CREB3L2: variants seen among roughly 807,000 people sequenced by gnomAD.
CREB3L2 encodes cyclic AMP-responsive element-binding protein 3-like protein 2.
In CREB3L2, 23 loss-of-function variants were observed where a neutral mutation model predicts 57.2. That is an observed-to-expected ratio of 0.40 (90% CI 0.29 to 0.57). The LOEUF (loss-of-function observed/expected upper bound fraction) is 0.57. CREB3L2 is among the 20% of genes least tolerant of loss of function. The pLI is 0.42. For synonymous variants in CREB3L2, 268 were observed against 265.1 expected (o/e 1.01, Z -0.11); for missense variants, 628 against 634.7 (o/e 0.99, Z 0.11).
At chr7:137,890,361 A>G (rs987711777) in intron 8 of CREB3L2, among the ~76,000 whole-genome samples, 7 of 152,216 alleles carry the variant, frequency 4.6e-5, no homozygotes, top group Admixed American at 1.3e-4. Context: ...ATTTAGAAAA[A>G]TGGAAAATAT....
intron 1 of CREB3L2, among the ~76,000 whole-genome samples, chr7:137,932,908 G>C (rs977466551): frequency 6.6e-6 from 1 of 152,122 alleles, no homozygotes; most frequent in African/African-American, 2.4e-5. Context: ...AATTACCTGG[G>C]GCTCCTAAGC....
intron 7 of CREB3L2, among the ~76,000 whole-genome samples, chr7:137,902,394 G>A (rs370685158): frequency 2.6e-5 from 4 of 152,192 alleles, no homozygotes; most frequent in South Asian, 4.1e-4. Flanking sequence ...ACTCTTACCA[G>A]GACTGATAAG....
chr7:137,926,568 G>A (rs1414193955), intron 2 of CREB3L2, among the ~76,000 whole-genome samples: 1 of 152,150 alleles, frequency 6.6e-6, no homozygotes, highest in Admixed American at 6.5e-5. Context: ...TCACACACCA[G>A]GGCCTGTCGG....
Position 137,930,618 on chromosome 7 carries a change from C to T in CREB3L2, c.103-2252G>A, listed in dbSNP as rs145584440. Among the ~76,000 whole-genome samples the T allele has an allele frequency of 3.6e-3, 543 of 152,286 alleles. 5 individuals carry two copies. The highest frequency in any genetic ancestry group is 0.018 in the East Asian group (93 of 5,170). ...AGGCTCAGTCCCTAAAGAGTTAGAACGGTGAAATTCACTGACATCACAAAC... is the reference window on the plus strand; with the variant it reads ...AGGCTCAGTCCCTAAAGAGTTAGAATGGTGAAATTCACTGACATCACAAAC... On this transcript the variant is annotated intron_variant, in intron 1 of 11. Transcript: ENST00000330387.
At chr7:137,954,867 A>G (rs1349836380) in intron 1 of CREB3L2, among the ~76,000 whole-genome samples, 9 of 152,212 alleles carry the variant, frequency 5.9e-5, no homozygotes, top group Non-Finnish European at 5.9e-5. Flanking sequence ...TGCCCAACCT[A>G]CAAAGGAATA....
chr7:137,982,667 C>T (rs1801730831), intron 1 of CREB3L2, among the ~76,000 whole-genome samples: 5 of 152,168 alleles, frequency 3.3e-5, no homozygotes, highest in Admixed American at 1.3e-4. Flanking sequence ...TCCCCAGCCA[C>T]GTGGAACTGT....
At chr7:137,996,493 C>G (rs949412992) in intron 1 of CREB3L2, among the ~76,000 whole-genome samples, 2 of 152,248 alleles carry the variant, frequency 1.3e-5, no homozygotes, top group East Asian at 3.8e-4. Flanking sequence ...AATGAGGACC[C>G]GGGTGCCCCT....
intron 1 of CREB3L2, among the ~76,000 whole-genome samples, chr7:137,953,060 G>T (rs1049399202): frequency 6.6e-6 from 1 of 152,202 alleles, no homozygotes; most frequent in African/African-American, 2.4e-5. Context: ...CAAGTGATCT[G>T]CCTGCCTCGG....
Position 137,885,402 on chromosome 7 carries a change from C to T in CREB3L2, c.1143+1G>A. 1 of 1,613,358 alleles carries T rather than the reference C, an allele frequency of 6.2e-7. No homozygotes were observed. Among genetic ancestry groups the T allele is most frequent in the Non-Finnish European group, 8.5e-7 (1 of 1,179,410 alleles). The stretch of plus-strand genomic sequence containing the variant: ...CTGTGCTACCCTGCTGGGAAGCTCA[C>T]CATGAGGCAGGTGCCAGTCTGCGTG... On this transcript the variant is annotated splice_donor_variant, in intron 9 of 11. Transcript: ENST00000330387. LOFTEE classifies it high-confidence loss of function.
chr7:137,899,971 T>C (rs556397637), intron 8 of CREB3L2, among the ~76,000 whole-genome samples: 51 of 152,332 alleles, frequency 3.3e-4, no homozygotes, highest in Non-Finnish European at 6.5e-4. Context: ...CTTAATCTGA[T>C]TAAATTTTTG....
chr7:137,940,271 G>A (rs567168157), intron 1 of CREB3L2, among the ~76,000 whole-genome samples: 1 of 152,132 alleles, frequency 6.6e-6, no homozygotes, highest in South Asian at 2.1e-4. Flanking sequence ...ACCTCACCAG[G>A]GGACACCCAG....
At chr7:137,918,032 C>A (rs905743822) in intron 2 of CREB3L2, among the ~76,000 whole-genome samples, 12 of 152,166 alleles carry the variant, frequency 7.9e-5, no homozygotes, top group South Asian at 4.1e-4. Context: ...AACTGGACCA[C>A]GAGCCAAAAG....
At chr7:137,979,853 T>C (rs1214605722) in intron 1 of CREB3L2, among the ~76,000 whole-genome samples, 4 of 152,144 alleles carry the variant, frequency 2.6e-5, no homozygotes, top group African/African-American at 9.7e-5. Flanking sequence ...CAGTCAGAAA[T>C]GGAGACAGCA....
intron 1 of CREB3L2, among the ~76,000 whole-genome samples, chr7:137,974,993 G>A (rs146943586): frequency 6.6e-6 from 1 of 152,264 alleles, no homozygotes; most frequent in African/African-American, 2.4e-5. Flanking sequence ...TTGCCCAAGA[G>A]ACAGTTACAG....
chr7:137,945,829 T>C (rs960864380), intron 1 of CREB3L2, among the ~76,000 whole-genome samples: 5 of 152,176 alleles, frequency 3.3e-5, no homozygotes, highest in African/African-American at 1.2e-4. Context: ...CTGAAATGAC[T>C]CCTAACAAAT....
At chr7:137,976,228 C>T (rs994907225) in intron 1 of CREB3L2, among the ~76,000 whole-genome samples, 21 of 152,312 alleles carry the variant, frequency 1.4e-4, no homozygotes, top group African/African-American at 4.6e-4. Context: ...AAATATATGG[C>T]CACCCAGCCA....
intron 1 of CREB3L2, among the ~76,000 whole-genome samples, chr7:137,976,829 C>T (rs1801615125): frequency 6.6e-6 from 1 of 150,766 alleles, no homozygotes; most frequent in Non-Finnish European, 1.5e-5. Context: ...AATGCTTCTG[C>T]CTCCCATGAG....
In CREB3L2 at chr7:137,880,680, C is replaced by T; in HGVS notation, c.1488-129G>A. 2 of 714,802 alleles carry T rather than the reference C, an allele frequency of 2.8e-6. No homozygotes were observed. Among genetic ancestry groups the T allele is most frequent in the Admixed American group, 2.1e-5 (1 of 47,828 alleles). 44.3% of individuals were successfully genotyped at this position (714,802 alleles called of 1,614,324 possible). On this transcript the variant is annotated intron_variant, in intron 11 of 11. Transcript: ENST00000330387. The surrounding 1 kb of genome is among the most constrained non-coding windows in gnomAD (Gnocchi z 4.0). ...GAGACGGCCTGGGCATGTTTCTTGTCCTTTTCTCTCCTAGTAGCAATTCTC... is the reference window on the plus strand; with the variant it reads ...GAGACGGCCTGGGCATGTTTCTTGTTCTTTTCTCTCCTAGTAGCAATTCTC...
intron 2 of CREB3L2, among the ~76,000 whole-genome samples, chr7:137,924,994 G>C (rs912880621): frequency 3.9e-5 from 6 of 152,174 alleles, no homozygotes; most frequent in Non-Finnish European, 7.3e-5. Flanking sequence ...AATGTAGATA[G>C]CCCACATTTT....
Sources: gnomAD v4.1 joint callset for allele counts (sites outside exome capture counted in the v4.1 genomes callset) on GRCh38, gnomAD v4.1.1 for gene constraint, Gnocchi (gnomAD v3.1) non-coding constraint, MANE v1.5 for transcripts, NCBI Gene and HGNC (gene_info 2026-07-23, HGNC 2026-07-21) for gene names.